Variants in CDK14 observed in about 807,000 individuals in gnomAD.
The protein encoded by CDK14 is cyclin dependent kinase 14, also known as cyclin-dependent kinase 14.
In CDK14, 34 loss-of-function variants were observed where a neutral mutation model predicts 60.7. That is an observed-to-expected ratio of 0.56 (90% CI 0.43 to 0.75). The LOEUF is 0.75. CDK14 is among the 30% of genes least tolerant of loss of function. The pLI, the probability that CDK14 is intolerant of heterozygous loss-of-function variation, is 0.00. For synonymous variants in CDK14, 197 were observed against 203.7 expected (o/e 0.97, Z 0.28); for missense variants, 482 against 564.1 (o/e 0.85, Z 1.47).
At chr7:90,946,467 A>G (rs961256058) in intron 8 of CDK14, among the ~76,000 whole-genome samples, 2 of 152,242 alleles carry the variant, frequency 1.3e-5, no homozygotes, top group Admixed American at 6.5e-5. Flanking sequence ...GGTGAAAATA[A>G]TTCAGAAAAC....
chr7:90,637,478 G>A lies in CDK14; in HGVS notation c.123+33229G>A, dbSNP rs1033436950. On this transcript the variant is annotated intron_variant, in intron 2 of 14. Coordinates refer to ENST00000380050, the MANE Select transcript of CDK14 (RefSeq NM_001287135.2). ...GTTTCTTAATCCTGAGTTCTAGTTT[G>A]ATTGCACTGTGGTCTGAGAGATAGT... Among the ~76,000 whole-genome samples, 5 of 151,462 alleles carry A rather than the reference G, an allele frequency of 3.3e-5. 1 individual carries two copies. Among genetic ancestry groups the A allele is most frequent in the Admixed American group, 2.6e-4 (4 of 15,208 alleles).
In CDK14 at chr7:91,201,466, GA is replaced by G. The variant is rs543793509; in HGVS notation, c.*29-5693del. ...TTCTCTCCAGTGAGGCTTAGAGGGGGAAAAAATGTGCCAGAGTTGTCTTGTA... is the reference window on the plus strand; with the variant it reads ...TTCTCTCCAGTGAGGCTTAGAGGGGGAAAAATGTGCCAGAGTTGTCTTGTA... On this transcript the variant is annotated intron_variant, in intron 14 of 14. Transcript: ENST00000380050. Among the ~76,000 whole-genome samples the G allele has an allele frequency of 5.3e-5, 8 of 151,726 alleles. No homozygotes were observed. In the South Asian group the frequency reaches 1.0e-3, roughly 20 times the overall value.
At chr7:91,054,748 C>G (rs1797503294) in intron 11 of CDK14, among the ~76,000 whole-genome samples, 1 of 152,224 alleles carries the variant, frequency 6.6e-6, no homozygotes, top group Non-Finnish European at 1.5e-5. Context: ...CGGATGAATC[C>G]TTTTTCTTGC....
chr7:91,138,627 T>C (rs1800355565), intron 14 of CDK14, among the ~76,000 whole-genome samples: 2 of 152,280 alleles, frequency 1.3e-5, no homozygotes, highest in South Asian at 4.1e-4. Context: ...ATTATTGTTC[T>C]TTTAAGTGGG....
intron 4 of CDK14, among the ~76,000 whole-genome samples, chr7:90,752,524 G>A (rs765092116): frequency 6.6e-6 from 1 of 151,982 alleles, no homozygotes; most frequent in African/African-American, 2.4e-5. Context: ...AGTGTTAAGA[G>A]GAAAGTTTAC....
At chr7:91,082,114 G>A (rs976588241) in intron 12 of CDK14, among the ~76,000 whole-genome samples, 16 of 152,188 alleles carry the variant, frequency 1.1e-4, no homozygotes, top group African/African-American at 3.6e-4. Context: ...ATTTATAGTT[G>A]TCTGACATTG....
At chr7:91,030,602 G>A (rs1035661405) in intron 10 of CDK14, among the ~76,000 whole-genome samples, 2 of 152,152 alleles carry the variant, frequency 1.3e-5, no homozygotes, top group Admixed American at 1.3e-4. Flanking sequence ...GAAAGAGGAG[G>A]TAAGACTGTG....
At chr7:90,830,117 G>A (rs755992635) in intron 5 of CDK14, among the ~76,000 whole-genome samples, 10 of 152,144 alleles carry the variant, frequency 6.6e-5, no homozygotes, top group Non-Finnish European at 1.3e-4. Flanking sequence ...TTCTGTGTGG[G>A]GGCTCCAACC....
chr7:90,624,270 T>C (rs533821609), intron 2 of CDK14, among the ~76,000 whole-genome samples: 1 of 152,326 alleles, frequency 6.6e-6, no homozygotes, highest in South Asian at 2.1e-4. Context: ...AGACATTGCA[T>C]TCAGCATCAG....
chr7:91,023,732 A>G (rs1384590174), intron 10 of CDK14, among the ~76,000 whole-genome samples: 1 of 152,144 alleles, frequency 6.6e-6, no homozygotes, highest in Non-Finnish European at 1.5e-5. Flanking sequence ...CATATTCCAT[A>G]AAAGGAAAGT....
At chr7:90,888,171 G>A (rs1414088231) in intron 6 of CDK14, among the ~76,000 whole-genome samples, 1 of 152,076 alleles carries the variant, frequency 6.6e-6, no homozygotes, top group African/African-American at 2.4e-5. Context: ...CCAGCATGGT[G>A]AACCCCCCTC....
rs557407531 is a variant in CDK14 at position 90,845,627 on chromosome 7, T to G, written c.545-17548T>G. ...TCACTTTTCTGGTGTCACTTACGTT[T>G]GAATACATTCCTAGCAAACCTTCTC... On this transcript the variant is annotated intron_variant, in intron 5 of 14. Coordinates refer to ENST00000380050, the MANE Select transcript of CDK14 (RefSeq NM_001287135.2). Among the ~76,000 whole-genome samples the G allele has an allele frequency of 3.2e-3, 484 of 152,266 alleles. 2 individuals are homozygous for G. In the Middle Eastern group the frequency reaches 0.034, roughly 11 times the overall value.
intron 8 of CDK14, among the ~76,000 whole-genome samples, chr7:90,925,243 A>G (rs955347743): frequency 6.6e-6 from 1 of 152,232 alleles, no homozygotes; most frequent in Non-Finnish European, 1.5e-5. Flanking sequence ...TGAAGTGTTC[A>G]TTCCAGTTAT....
At chr7:90,720,391 T>C (rs1267520036) in intron 2 of CDK14, among the ~76,000 whole-genome samples, 1 of 152,142 alleles carries the variant, frequency 6.6e-6, no homozygotes, top group Non-Finnish European at 1.5e-5. Flanking sequence ...TGACGGACAG[T>C]GCGTAGAATG....
At chr7:91,168,345 A>G (rs1431834727) in intron 14 of CDK14, among the ~76,000 whole-genome samples, 1 of 152,142 alleles carries the variant, frequency 6.6e-6, no homozygotes, top group African/African-American at 2.4e-5. Context: ...TAGTTAGAAC[A>G]GGGCCTGGCA....
chr7:90,819,398 ACATTGACACATTTCTG>A (rs1226237065), intron 5 of CDK14, among the ~76,000 whole-genome samples: 1 of 152,060 alleles, frequency 6.6e-6, no homozygotes, highest in Admixed American at 6.6e-5. Context: ...ATAAATATAC[ACATTGACACATTTCTG>A]CAAATGAAAT....
Position 90,829,575 on chromosome 7 carries a change from A to G in CDK14, c.545-33600A>G, listed in dbSNP as rs563704118. Among the ~76,000 whole-genome samples, 5 of 152,158 alleles carry G rather than the reference A, an allele frequency of 3.3e-5. No individual in the cohort carries two copies. The East Asian group carries it at 7.7e-4, about 24-fold the overall frequency. On this transcript the variant is annotated intron_variant, in intron 5 of 14. Coordinates refer to ENST00000380050, the MANE Select transcript of CDK14 (RefSeq NM_001287135.2). ...GAGATGGAGCCTCACTCTGTTGCCT[A>G]AACTGGAGTGCAGTGGCATGATTTT...
At chr7:91,006,949 A>ATTTTGT (rs1473050190) in intron 10 of CDK14, among the ~76,000 whole-genome samples, 1 of 152,142 alleles carries the variant, frequency 6.6e-6, no homozygotes, top group African/African-American at 2.4e-5. Context: ...GGTCATGCCA[A>ATTTTGT]TTTTGTTTTT....
At chr7:90,666,696 G>C (rs1392137851) in intron 2 of CDK14, among the ~76,000 whole-genome samples, 2 of 151,642 alleles carry the variant, frequency 1.3e-5, no homozygotes, top group Non-Finnish European at 2.9e-5. Context: ...CGGTATCTTA[G>C]GAAGGAAGGT....
Sources: gnomAD v4.1 joint callset for allele counts (sites outside exome capture counted in the v4.1 genomes callset) on GRCh38, gnomAD v4.1.1 for gene constraint, MANE v1.5 for transcripts, NCBI Gene and HGNC (gene_info 2026-07-23, HGNC 2026-07-21) for gene names.